Variants in DOCK2 observed in about 807,000 individuals in gnomAD.
DOCK2 encodes the protein dedicator of cytokinesis 2.
Under a neutral mutation model 248.9 loss-of-function variants are expected in DOCK2, and 87 were observed. The observed-to-expected ratio is 0.35, with a 90% CI of 0.29 to 0.42. The LOEUF (loss-of-function observed/expected upper bound fraction) is 0.42, where lower values mean the gene tolerates loss of function less well. DOCK2 is among the 10% of genes least tolerant of loss of function. The pLI is 1.00. For missense variants in DOCK2, 1,747 were observed against 2,300.2 expected (o/e 0.76, Z 4.92); for synonymous variants, 805 against 821.6 (o/e 0.98, Z 0.35).
intron 44 of DOCK2, among the ~76,000 whole-genome samples, chr5:170,064,085 GACAA>G (rs1289186769): frequency 6.6e-6 from 1 of 152,116 alleles, no homozygotes; most frequent in African/African-American, 2.4e-5. Flanking sequence ...CAGCAGTCTG[GACAA>G]ACAGAGAGAT....
intron 44 of DOCK2, among the ~76,000 whole-genome samples, chr5:170,063,582 G>A (rs1757401680): frequency 1.3e-5 from 2 of 152,198 alleles, no homozygotes; most frequent in South Asian, 4.1e-4. Context: ...GCCAGAGCCA[G>A]AGGTTGGCAC....
intron 22 of DOCK2, among the ~76,000 whole-genome samples, chr5:169,722,401 C>T (rs1366940991): frequency 1.3e-5 from 2 of 152,204 alleles, no homozygotes; most frequent in Admixed American, 1.3e-4. Flanking sequence ...GGAACCAGAA[C>T]ACTGTGCTGC....
At chr5:169,910,683 T>C (rs1774547009) in intron 27 of DOCK2, among the ~76,000 whole-genome samples, 1 of 152,322 alleles carries the variant, frequency 6.6e-6, no homozygotes, top group African/African-American at 2.4e-5. Context: ...ACCTGTTACA[T>C]CTCTAGCTAC....
intron 32 of DOCK2, among the ~76,000 whole-genome samples, chr5:170,014,596 C>T (rs913441171): frequency 7.7e-6 from 1 of 129,846 alleles, no homozygotes; most frequent in Non-Finnish European, 1.5e-5. Context: ...AATAGCACAG[C>T]CCTAGAAAAT....
chr5:169,929,681 A>T (rs1263918636), intron 27 of DOCK2, among the ~76,000 whole-genome samples: 2 of 150,880 alleles, frequency 1.3e-5, no homozygotes, highest in Non-Finnish European at 3.0e-5. Flanking sequence ...TATGGAGGTC[A>T]CAGTGAGCCA....
chr5:169,939,267 A>G (rs1256735590), intron 27 of DOCK2, among the ~76,000 whole-genome samples: 1 of 150,134 alleles, frequency 6.7e-6, no homozygotes, highest in Non-Finnish European at 1.5e-5. Flanking sequence ...CACACACAGG[A>G]GCCTAGGTCT....
chr5:169,957,292 C>T (rs928872149), intron 27 of DOCK2, among the ~76,000 whole-genome samples: 1 of 152,224 alleles, frequency 6.6e-6, no homozygotes, highest in African/African-American at 2.4e-5. Context: ...GCCCCAGTTT[C>T]TGCATCCATA....
At chr5:170,004,104 C>G (rs528537518) in intron 30 of DOCK2, among the ~76,000 whole-genome samples, 3 of 152,136 alleles carry the variant, frequency 2.0e-5, no homozygotes, top group Non-Finnish European at 4.4e-5. Flanking sequence ...GAGATTTGTA[C>G]AAAAATGTTC....
chr5:169,748,168 CT>C (rs10688965), intron 23 of DOCK2, among the ~76,000 whole-genome samples: 62 of 148,076 alleles, frequency 4.2e-4, no homozygotes, highest in East Asian at 2.2e-3. Flanking sequence ...ATTGCTGCTG[CT>C]TTTTTTTTTT....
At chr5:169,813,828 G>A (rs1420219689) in intron 26 of DOCK2, among the ~76,000 whole-genome samples, 1 of 152,190 alleles carries the variant, frequency 6.6e-6, no homozygotes, top group Non-Finnish European at 1.5e-5. Flanking sequence ...GGTTCCTGCA[G>A]TAGGTGAGGG....
rs554713491 is a variant in DOCK2, at chr5:169,858,855, A to T, written c.2799+18003A>T. Among the ~76,000 whole-genome samples, 24 of 152,014 alleles carry T rather than the reference A, an allele frequency of 1.6e-4. No individual in the cohort carries two copies. In the South Asian group the frequency reaches 2.3e-3, roughly 15 times the overall value. ...AGTCTTTACAGAAAATAATTATTTT[A>T]AAAAAAACATTAGTGGGTTGTGGTG... On this transcript the variant is annotated intron_variant, in intron 27 of 51. Coordinates refer to ENST00000520908, the MANE Select transcript of DOCK2 (RefSeq NM_004946.3).
At chr5:170,026,254 G>A (rs146434357) in intron 33 of DOCK2, among the ~76,000 whole-genome samples, 1 of 152,102 alleles carries the variant, frequency 6.6e-6, no homozygotes, top group African/African-American at 2.4e-5. Context: ...TTATGCCCAG[G>A]AAAGAGCCTG....
rs1768790705 is a variant in DOCK2, at chr5:169,825,589, G to T, written c.2704-15168G>T. Among the ~76,000 whole-genome samples, 6 of 142,610 alleles carry T rather than the reference G, an allele frequency of 4.2e-5. No individual in the cohort carries two copies. In the South Asian group the frequency reaches 1.4e-3, roughly 34 times the overall value. The allele number at this position is 142,610 out of a possible 152,430, so 93.6% of individuals were successfully genotyped here. On this transcript the variant is annotated intron_variant, in intron 26 of 51. Coordinates refer to ENST00000520908, the MANE Select transcript of DOCK2 (RefSeq NM_004946.3). Reference sequence around the variant, plus strand: ...GAACAATGAGAACACTTGGACGCAGGGCGGGGAACATCACACACTGGGGCC... The same window carrying T: ...GAACAATGAGAACACTTGGACGCAGTGCGGGGAACATCACACACTGGGGCC...
At chr5:169,904,966 G>A (rs1178773820) in intron 27 of DOCK2, among the ~76,000 whole-genome samples, 3 of 152,132 alleles carry the variant, frequency 2.0e-5, no homozygotes, top group Non-Finnish European at 4.4e-5. Context: ...CTCCCTAGCT[G>A]TGTGACCTTG....
At position 169,682,805 on chromosome 5, in the gene DOCK2, T is replaced by A. The variant is rs186576895; in HGVS notation, c.606+926T>A. Among the ~76,000 whole-genome samples, 76 of 152,330 alleles carry A rather than the reference T, an allele frequency of 5.0e-4. 1 individual carries two copies. The highest frequency in any genetic ancestry group is 4.1e-4 in the South Asian group (2 of 4,828). ...CACCCTAAAAGTTTCTTTGTGCTCC[T>A]TCTCCAGCCCCAAGCCCCGTGCAAC... On this transcript the variant is annotated intron_variant, in intron 7 of 51. Transcript: ENST00000520908.
At chr5:169,991,978 T>A (rs2113794159) in intron 29 of DOCK2, among the ~76,000 whole-genome samples, 1 of 152,328 alleles carries the variant, frequency 6.6e-6, no homozygotes, top group African/African-American at 2.4e-5. Context: ...CAATTGATGC[T>A]TCCATCATTG....
At chr5:169,698,086 G>A (rs769499263) in intron 10 of DOCK2, among the ~76,000 whole-genome samples, 4 of 152,150 alleles carry the variant, frequency 2.6e-5, no homozygotes, top group South Asian at 2.1e-4. Context: ...CCACAGCCAC[G>A]GCTCTGACCC....
chr5:169,689,158 G>T, intron 8 of DOCK2, 94 bp from the exon 9 acceptor site: 1 of 1,178,684 alleles, frequency 8.5e-7, no homozygotes, highest in Non-Finnish European at 1.3e-6. Flanking sequence ...CAGCCAGTAT[G>T]GTGTTGGGCA....
chr5:169,772,888 A>G (rs1765169317), intron 25 of DOCK2: 12 of 152,226 alleles, frequency 7.9e-5, no homozygotes, highest in Admixed American at 7.9e-4. Flanking sequence ...TACATGATGC[A>G]TTCGAGGTTA....
Sources: allele counts gnomAD v4.1 joint callset (sites outside exome capture counted in the v4.1 genomes callset), GRCh38; gene constraint gnomAD v4.1.1; transcripts MANE v1.5; gene names NCBI Gene and HGNC (gene_info 2026-07-23, HGNC 2026-07-21).